CLSTN2: variants seen among roughly 807,000 people sequenced by gnomAD.
CLSTN2 encodes the protein calsyntenin 2, also known as calsyntenin-2.
In CLSTN2, 48 loss-of-function variants were observed where a neutral mutation model predicts 101.2. The ratio of observed to expected loss-of-function variants is 0.47; its 90% CI spans 0.38 to 0.60. The LOEUF (loss-of-function observed/expected upper bound fraction) is 0.60, where lower values mean the gene tolerates loss of function less well. Ranked by LOEUF, CLSTN2 falls within the 20% of genes least tolerant of loss-of-function variation. The pLI is 0.00. For synonymous variants in CLSTN2, 481 were observed against 463.6 expected, an observed-to-expected ratio of 1.04 and a Z score of -0.48; for missense variants, 1,160 against 1,238.2, an observed-to-expected ratio of 0.94 and a Z score of 0.95.
intron 2 of CLSTN2, among the ~76,000 whole-genome samples, chr3:140,354,377 A>G (rs545968381): frequency 6.6e-6 from 1 of 152,318 alleles, no homozygotes; most frequent in South Asian, 2.1e-4. Flanking sequence ...TTGTAAAGAA[A>G]TTCTGCATTC....
intron 1 of CLSTN2, among the ~76,000 whole-genome samples, chr3:140,067,977 C>T (rs1186281638): frequency 2.0e-5 from 3 of 152,222 alleles, no homozygotes; most frequent in African/African-American, 2.4e-5. Flanking sequence ...ACTTCTGTGG[C>T]TCATTCCAGG....
chr3:140,562,320 C>T lies in CLSTN2; in HGVS notation c.2212+12C>T, dbSNP rs750835914. 1.4e-5 allele frequency: 22 copies of T among 1,608,020 alleles called. No individual in the cohort carries two copies. Among genetic ancestry groups the T allele is most frequent in the Non-Finnish European group, 1.9e-5 (22 of 1,177,766 alleles). On this transcript the variant is annotated intron_variant, in intron 13 of 16. Transcript: ENST00000458420. Reference sequence around the variant, plus strand: ...CTACTCCATCTACGGTAAGGCCACACTCAGCCCCCTTTGCCCCAAGGGTGT... The same window carrying T: ...CTACTCCATCTACGGTAAGGCCACATTCAGCCCCCTTTGCCCCAAGGGTGT...
intron 1 of CLSTN2, among the ~76,000 whole-genome samples, chr3:139,981,018 G>A (rs1935907628): frequency 6.6e-6 from 1 of 152,044 alleles, no homozygotes; most frequent in South Asian, 2.1e-4. Context: ...GTGGGGAGGG[G>A]CAGAGAATTC....
intron 6 of CLSTN2, 52 bp downstream of exon 6, chr3:140,448,756 A>G (rs1307241477): frequency 6.8e-7 from 1 of 1,472,264 alleles, no homozygotes; most frequent in East Asian, 2.3e-5. Context: ...TAAATGATGT[A>G]TACCAAAAAA....
At chr3:140,304,992 C>T (rs1015564902) in intron 2 of CLSTN2, among the ~76,000 whole-genome samples, 2 of 151,968 alleles carry the variant, frequency 1.3e-5, no homozygotes, top group Non-Finnish European at 2.9e-5. Context: ...TTGCTTCTCC[C>T]TGGAGGACAT....
At chr3:140,322,147 A>G (rs2107924252) in intron 2 of CLSTN2, among the ~76,000 whole-genome samples, 1 of 152,356 alleles carries the variant, frequency 6.6e-6, no homozygotes, top group Non-Finnish European at 1.5e-5. Context: ...GGAAAGAAAC[A>G]GAACTACAGT....
At chr3:140,276,870 G>A (rs1385497521) in intron 2 of CLSTN2, among the ~76,000 whole-genome samples, 1 of 152,146 alleles carries the variant, frequency 6.6e-6, no homozygotes, top group East Asian at 1.9e-4. Context: ...ACTCTGGGCT[G>A]CCTTTCACAA....
chr3:140,372,207 G>T (rs1396811184), intron 2 of CLSTN2, among the ~76,000 whole-genome samples: 1 of 152,150 alleles, frequency 6.6e-6, no homozygotes, highest in East Asian at 1.9e-4. Flanking sequence ...TCACTCCTCA[G>T]TCTGCTTCCT....
intron 15 of CLSTN2, among the ~76,000 whole-genome samples, 172 bp downstream of exon 15, chr3:140,563,375 G>A (rs989946646): frequency 2.6e-5 from 4 of 152,132 alleles, no homozygotes; most frequent in African/African-American, 4.8e-5. Context: ...CCCTCAATAG[G>A]CAGTCGATAA....
chr3:140,197,566 C>T (rs904853407), intron 2 of CLSTN2, among the ~76,000 whole-genome samples: 3 of 152,138 alleles, frequency 2.0e-5, no homozygotes, highest in Non-Finnish European at 4.4e-5. Context: ...GGGCATTACT[C>T]GTTCTGATCG....
In CLSTN2 at chr3:140,547,778, A is replaced by G. The variant is rs575211144; in HGVS notation, c.1674+1097A>G. On this transcript the variant is annotated intron_variant, in intron 10 of 16. Coordinates refer to ENST00000458420, the MANE Select transcript of CLSTN2 (RefSeq NM_022131.3). ...AGGTCCTGAATAAAGAGCAGAGCCA[A>G]TATCACTGTAGCCCCCACTCAATCA... Among the ~76,000 whole-genome samples, 4 of 152,300 alleles carry G rather than the reference A, an allele frequency of 2.6e-5. No individual in the cohort carries two copies. The East Asian group carries it at 7.7e-4, about 29-fold the overall frequency.
At chr3:140,048,161 AG>A (rs1171544934) in intron 1 of CLSTN2, among the ~76,000 whole-genome samples, 2 of 152,220 alleles carry the variant, frequency 1.3e-5, no homozygotes, top group Non-Finnish European at 2.9e-5. Flanking sequence ...TTTAAATGGA[AG>A]CTGATATTTC....
At chr3:140,057,617 A>C (rs2008120601) in intron 1 of CLSTN2, among the ~76,000 whole-genome samples, 1 of 152,210 alleles carries the variant, frequency 6.6e-6, no homozygotes, top group Non-Finnish European at 1.5e-5. Context: ...CCTCGAGAGC[A>C]AATGTATTCA....
chr3:139,996,406 T>C (rs2006659365), intron 1 of CLSTN2, among the ~76,000 whole-genome samples: 1 of 152,238 alleles, frequency 6.6e-6, no homozygotes, highest in Non-Finnish European at 1.5e-5. Context: ...TTTGTTTTTT[T>C]TGAGACGGAG....
At chr3:140,137,289 G>T (rs894470728) in intron 1 of CLSTN2, among the ~76,000 whole-genome samples, 1 of 152,062 alleles carries the variant, frequency 6.6e-6, no homozygotes, top group Admixed American at 6.6e-5. Flanking sequence ...ACAAATATAG[G>T]ATTCTTTTGA....
intron 1 of CLSTN2, among the ~76,000 whole-genome samples, chr3:139,990,052 A>G (rs1023004280): frequency 3.3e-5 from 5 of 152,186 alleles, no homozygotes; most frequent in African/African-American, 1.2e-4. Flanking sequence ...CTTTGTCCAC[A>G]TCCTGTGAAT....
At chr3:140,390,631 A>G (rs1469221347) in intron 2 of CLSTN2, among the ~76,000 whole-genome samples, 1 of 152,214 alleles carries the variant, frequency 6.6e-6, no homozygotes, top group Non-Finnish European at 1.5e-5. Flanking sequence ...TGTTATTTAT[A>G]TTATCCATTA....
At chr3:139,940,917 T>A (rs1935115366) in intron 1 of CLSTN2, among the ~76,000 whole-genome samples, 1 of 151,996 alleles carries the variant, frequency 6.6e-6, no homozygotes, top group African/African-American at 2.4e-5. Flanking sequence ...GAGGTTCTGG[T>A]CTCTGGAGGG....
At chr3:140,253,417 G>A (rs776337856) in intron 2 of CLSTN2, among the ~76,000 whole-genome samples, 5 of 152,168 alleles carry the variant, frequency 3.3e-5, no homozygotes, top group African/African-American at 7.2e-5. Flanking sequence ...GGAGTCTGAC[G>A]TTCCTTAATT....
Sources: allele counts gnomAD v4.1 joint callset (sites outside exome capture counted in the v4.1 genomes callset), GRCh38; gene constraint gnomAD v4.1.1; transcripts MANE v1.5; gene names NCBI Gene and HGNC (gene_info 2026-07-23, HGNC 2026-07-21).